TRPC5: variants seen among roughly 807,000 people sequenced by gnomAD.
The protein encoded by TRPC5 is short transient receptor potential channel 5.
Under a neutral mutation model 56.5 loss-of-function variants are expected in TRPC5, and 9 were observed. That is an observed-to-expected ratio of 0.16 (90% CI 0.10 to 0.28). The LOEUF (loss-of-function observed/expected upper bound fraction) is 0.28, where lower values mean the gene tolerates loss of function less well. TRPC5 is among the 10% of genes least tolerant of loss of function. TRPC5 has a pLI of 1.00. For synonymous variants in TRPC5, 282 were observed against 278.5 expected, an observed-to-expected ratio of 1.01 and a Z score of -0.13; for missense variants, 469 against 748.9, an observed-to-expected ratio of 0.63 and a Z score of 4.36.
chrX:112,061,760 T>C (rs771318184), intron 1 of TRPC5, among the ~76,000 whole-genome samples: 13 of 111,022 alleles, frequency 1.2e-4, no homozygotes, highest in Non-Finnish European at 2.5e-4. Flanking sequence ...GAGAAAATAG[T>C]GGGAGAAGGA....
intron 7 of TRPC5, among the ~76,000 whole-genome samples, chrX:111,821,876 A>G (rs190753204): frequency 6.6e-4 from 73 of 111,410 alleles, no homozygotes; most frequent in African/African-American, 2.2e-3. Context: ...GTATTCCACA[A>G]GGATCAATTC....
chrX:111,786,646 G>C lies in TRPC5; in HGVS notation c.1897-4508C>G, dbSNP rs190065271. Among the ~76,000 whole-genome samples the C allele has an allele frequency of 3.6e-5, 4 of 110,628 alleles. No individual in the cohort carries two copies. The East Asian group carries it at 8.6e-4, about 24-fold the overall frequency. ...AATTGGATAAAGAGTCAAGACCCAT[G>C]AGTGTGCTGTATTCAGGAGACCCAT... is the stretch of plus-strand genomic sequence containing the variant. On this transcript the variant is annotated intron_variant, in intron 7 of 10. Transcript: ENST00000262839.
At chrX:111,976,781 A>C (rs1927941085) in intron 1 of TRPC5, among the ~76,000 whole-genome samples, 1 of 111,755 alleles carries the variant, frequency 8.9e-6, no homozygotes, top group Non-Finnish European at 1.9e-5. Flanking sequence ...TAAATAAGTC[A>C]GTAAAGTTGT....
intron 7 of TRPC5, among the ~76,000 whole-genome samples, chrX:111,790,282 C>T (rs1946008280): frequency 9.0e-6 from 1 of 111,134 alleles, no homozygotes; most frequent in Non-Finnish European, 1.9e-5. Flanking sequence ...AGCTGGAAAC[C>T]ATCATTCTCA....
intron 1 of TRPC5, among the ~76,000 whole-genome samples, chrX:112,049,454 CAT>C (rs1208664340): frequency 9.7e-5 from 10 of 103,563 alleles, no homozygotes; most frequent in African/African-American, 1.5e-4. Flanking sequence ...CACACACACA[CAT>C]ATATATACTA....
chrX:111,781,042 C>T (rs1293834788), intron 9 of TRPC5, 123 bp downstream of exon 9: 1 of 694,580 alleles, frequency 1.4e-6, no homozygotes, highest in Non-Finnish European at 2.3e-6. Context: ...AAATTACAGC[C>T]TTTCCAAGCC....
intron 3 of TRPC5, chrX:111,903,991 C>T (rs940072152): frequency 8.9e-6 from 1 of 112,017 alleles, no homozygotes; most frequent in African/African-American, 3.2e-5. Context: ...ATCAAAAAAA[C>T]GTGTGGTCAT....
intron 1 of TRPC5, among the ~76,000 whole-genome samples, chrX:111,960,875 G>A (rs988361004): frequency 1.8e-5 from 2 of 110,935 alleles, no homozygotes; most frequent in African/African-American, 3.3e-5. Flanking sequence ...GCAGTGGTGC[G>A]ATCTCGGCTC....
intron 1 of TRPC5, among the ~76,000 whole-genome samples, chrX:112,054,882 A>C (rs930167769): frequency 1.8e-5 from 2 of 111,374 alleles, no homozygotes; most frequent in African/African-American, 6.5e-5. Flanking sequence ...TAACTGCTGT[A>C]ATGTCTCCTG....
chrX:111,785,425 C>T, intron 7 of TRPC5, among the ~76,000 whole-genome samples: 1 of 111,590 alleles, frequency 9.0e-6, no homozygotes, highest in Non-Finnish European at 1.9e-5. Flanking sequence ...ACTTCAAAGA[C>T]CAAAGGTAGA....
At chrX:111,875,988 A>G (rs1332099500) in intron 3 of TRPC5, 4 of 109,345 alleles carry the variant, frequency 3.7e-5, no homozygotes, top group Non-Finnish European at 5.7e-5. Context: ...GGTCTTTGGG[A>G]GATAAATGAA....
At chrX:111,788,498 C>T (rs1464554385) in intron 7 of TRPC5, among the ~76,000 whole-genome samples, 9 of 111,810 alleles carry the variant, frequency 8.0e-5, no homozygotes, top group African/African-American at 2.9e-4. Flanking sequence ...CTTTGAAAAC[C>T]TGCACAAGTC....
chrX:111,987,806 C>T (rs1057401801), intron 1 of TRPC5, among the ~76,000 whole-genome samples: 3 of 112,604 alleles, frequency 2.7e-5, no homozygotes, highest in African/African-American at 6.5e-5. Context: ...CCCTCTTACT[C>T]ATGGGAGGCT....
chrX:111,926,651 C>T (rs1926266285), intron 2 of TRPC5, among the ~76,000 whole-genome samples: 1 of 112,277 alleles, frequency 8.9e-6, no homozygotes, highest in South Asian at 3.7e-4. Flanking sequence ...AGGAAGTTTG[C>T]TGAGCTCTTG....
intron 7 of TRPC5, among the ~76,000 whole-genome samples, chrX:111,805,551 T>G (rs139072375): frequency 0.011 from 1,254 of 111,579 alleles, 10 homozygotes; most frequent in African/African-American, 0.031. Context: ...AGCTGAAAAA[T>G]CAAGCTGTAT....
At chrX:111,927,359 A>G (rs1405513558) in intron 2 of TRPC5, among the ~76,000 whole-genome samples, 1 of 112,418 alleles carries the variant, frequency 8.9e-6, no homozygotes, top group Non-Finnish European at 1.9e-5. Context: ...TCTTGGTCAC[A>G]TGACAATAAG....
rs377454444 is a variant in TRPC5, at chrX:111,776,299, G to A, written c.*14C>T. 6 of 1,150,683 alleles carry A rather than the reference G, an allele frequency of 5.2e-6. No individual in the cohort carries two copies. The African/African-American group carries it at 5.5e-5, about 10-fold the overall frequency. 94.8% of individuals were successfully genotyped at this position (1,150,683 alleles called of 1,213,427 possible). A position where few individuals can be genotyped will look rare whatever the true frequency, so the allele number is the denominator to read the frequency against. The stretch of plus-strand genomic sequence containing the variant: ...ATTTCTGTTGAGTTCCAGAACAGAT[G>A]ATTAGGGCTTGACTTAGAGGCGAGT... On this transcript the variant is annotated 3_prime_UTR_variant, in exon 11 of 11. Coordinates refer to ENST00000262839, the MANE Select transcript of TRPC5 (RefSeq NM_012471.3).
chrX:111,821,040 G>A (rs1300859549), intron 7 of TRPC5, among the ~76,000 whole-genome samples: 2 of 111,519 alleles, frequency 1.8e-5, no homozygotes, highest in Non-Finnish European at 3.8e-5. Flanking sequence ...CTCTGATGAA[G>A]TCAGTTGAGT....
chrX:112,061,417 G>A (rs1341221841), intron 1 of TRPC5, among the ~76,000 whole-genome samples: 1 of 111,697 alleles, frequency 9.0e-6, no homozygotes, highest in East Asian at 2.8e-4. Flanking sequence ...AAGGGAGAAT[G>A]AAAAGCCATG....
Sources: gnomAD v4.1 joint callset for allele counts (sites outside exome capture counted in the v4.1 genomes callset) on GRCh38, gnomAD v4.1.1 for gene constraint, MANE v1.5 for transcripts, NCBI Gene and HGNC (gene_info 2026-07-23, HGNC 2026-07-21) for gene names.